The following KAZN variants were observed in gnomAD, a reference collection of about 807,000 sequenced individuals.
KAZN encodes kazrin.
A neutral mutation model predicts 87.4 loss-of-function variants in KAZN; 40 were observed. The observed-to-expected ratio is 0.46, with a 90% CI of 0.36 to 0.60. KAZN has a LOEUF of 0.60. Among genes scored for constraint, KAZN ranks in the 20% least tolerant of loss-of-function variants. The pLI, the probability that KAZN is intolerant of heterozygous loss-of-function variation, is 0.00. For synonymous variants in KAZN, 466 were observed against 458.3 expected (o/e 1.02, Z -0.22); for missense variants, 898 against 1,073.9 (o/e 0.84, Z 2.29).
chr1:13,927,842 GGGGCCACATTT>G (rs1393925491), intron 1 of KAZN, among the ~76,000 whole-genome samples: 1 of 152,208 alleles, frequency 6.6e-6, no homozygotes, highest in African/African-American at 2.4e-5. Context: ...TGCCCTGCAA[GGGGCCACATTT>G]GGGCTGAGAC....
intron 2 of KAZN, among the ~76,000 whole-genome samples, chr1:14,356,268 A>G (rs1659020386): frequency 6.6e-6 from 1 of 151,640 alleles, no homozygotes. Flanking sequence ...CCACTTTTTG[A>G]TGGGGTTGTT....
intron 1 of KAZN, among the ~76,000 whole-genome samples, chr1:14,870,020 T>C (rs1306113585): frequency 6.6e-6 from 1 of 152,064 alleles, no homozygotes; most frequent in Non-Finnish European, 1.5e-5. Flanking sequence ...ACATGGAAGG[T>C]AGAATGTCCA....
At chr1:14,116,146 A>C (rs898670579) in intron 1 of KAZN, among the ~76,000 whole-genome samples, 1 of 152,178 alleles carries the variant, frequency 6.6e-6, no homozygotes, top group Non-Finnish European at 1.5e-5. Context: ...CCTGAGGAGA[A>C]ATCCAAGCTG....
chr1:14,392,422 C>G (rs755439165), intron 2 of KAZN, among the ~76,000 whole-genome samples: 1 of 152,020 alleles, frequency 6.6e-6, no homozygotes, highest in Non-Finnish European at 1.5e-5. Context: ...TAGCTGGATT[C>G]GGTTCCTAGT....
intron 1 of KAZN, among the ~76,000 whole-genome samples, chr1:14,028,576 C>T (rs371399611): frequency 3.2e-4 from 49 of 152,184 alleles, no homozygotes; most frequent in African/African-American, 1.2e-3. Flanking sequence ...CAGCTCCTAT[C>T]TTTATCTTTT....
chr1:14,371,846 C>T (rs910224890), intron 2 of KAZN, among the ~76,000 whole-genome samples: 3 of 152,156 alleles, frequency 2.0e-5, no homozygotes, highest in Non-Finnish European at 2.9e-5. Context: ...GGGATGCACT[C>T]CTCATGAAAG....
chr1:14,027,922 T>C (rs1181538430), intron 1 of KAZN, among the ~76,000 whole-genome samples: 1 of 152,216 alleles, frequency 6.6e-6, no homozygotes, highest in East Asian at 1.9e-4. Context: ...TCATTGGGCA[T>C]GCCAGTGGGT....
chr1:14,126,934 C>T (rs7519861), intron 1 of KAZN, among the ~76,000 whole-genome samples: 86,868 of 151,986 alleles, frequency 0.57, 26,079 homozygotes, highest in East Asian at 0.76. Context: ...GGTGAAACCC[C>T]GTCTCTACTA....
At chr1:15,059,089 C>G (rs1321602814) in intron 5 of KAZN, among the ~76,000 whole-genome samples, 2 of 149,164 alleles carry the variant, frequency 1.3e-5, no homozygotes, top group Non-Finnish European at 3.0e-5. Flanking sequence ...GAGAAATCAA[C>G]AGAAAACAGG....
intron 1 of KAZN, among the ~76,000 whole-genome samples, chr1:14,017,027 C>T (rs534319788): frequency 2.8e-4 from 43 of 152,322 alleles, no homozygotes; most frequent in African/African-American, 8.9e-4. Context: ...AAGTGCCTCT[C>T]TGAGATGAGT....
At chr1:14,559,817 G>A (rs1674144780) in intron 2 of KAZN, among the ~76,000 whole-genome samples, 2 of 152,124 alleles carry the variant, frequency 1.3e-5, no homozygotes. Context: ...CTCCTTGTGT[G>A]ACCTTGATGA....
intron 1 of KAZN, among the ~76,000 whole-genome samples, chr1:14,018,414 T>C (rs1394771202): frequency 6.6e-6 from 1 of 152,194 alleles, no homozygotes; most frequent in Non-Finnish European, 1.5e-5. Context: ...AACTTGCTGA[T>C]CTTCGCCCTT....
intron 1 of KAZN, among the ~76,000 whole-genome samples, chr1:14,830,118 G>T (rs181835167): frequency 2.6e-4 from 39 of 152,348 alleles, no homozygotes; most frequent in Admixed American, 9.2e-4. Flanking sequence ...GCCAAAGGTA[G>T]CTGGCTTCAG....
chr1:15,093,572 CAT>C (rs1241506450), intron 8 of KAZN, among the ~76,000 whole-genome samples: 7 of 152,010 alleles, frequency 4.6e-5, no homozygotes, highest in Non-Finnish European at 8.8e-5. Context: ...CATAAGGTAA[CAT>C]AGACAGATGG....
intron 1 of KAZN, among the ~76,000 whole-genome samples, chr1:13,935,533 G>A (rs907086010): frequency 2.6e-5 from 4 of 152,166 alleles, no homozygotes; most frequent in Non-Finnish European, 5.9e-5. Context: ...CTTTGGGGAT[G>A]CCATTTTATG....
intron 1 of KAZN, among the ~76,000 whole-genome samples, chr1:14,716,988 G>A (rs1557911875): frequency 6.6e-6 from 1 of 151,530 alleles, no homozygotes; most frequent in Admixed American, 6.6e-5. Context: ...CCTCTGGAAT[G>A]CCTTCTCCTC....
intron 8 of KAZN, among the ~76,000 whole-genome samples, chr1:15,076,892 C>T (rs921380389): frequency 1.3e-5 from 2 of 152,226 alleles, no homozygotes; most frequent in Non-Finnish European, 2.9e-5. Flanking sequence ...ACCTTGTGGG[C>T]TCTCTCAGTT....
intron 2 of KAZN, among the ~76,000 whole-genome samples, chr1:14,231,800 A>G (rs1044561282): frequency 2.6e-5 from 4 of 152,204 alleles, no homozygotes; most frequent in Non-Finnish European, 4.4e-5. Context: ...CCTGCTTAGT[A>G]CAGCAAACAT....
intron 2 of KAZN, among the ~76,000 whole-genome samples, chr1:14,391,818 C>T (rs1191746111): frequency 2.6e-5 from 4 of 152,160 alleles, no homozygotes; most frequent in Non-Finnish European, 5.9e-5. Flanking sequence ...GTTATTTTTT[C>T]CCTTTTTAAA....
Sources: allele counts gnomAD v4.1 joint callset (sites outside exome capture counted in the v4.1 genomes callset), GRCh38; gene constraint gnomAD v4.1.1; transcripts MANE v1.5; gene names NCBI Gene and HGNC (gene_info 2026-07-23, HGNC 2026-07-21).